SDK1: variants seen among roughly 807,000 people sequenced by gnomAD.
The protein encoded by SDK1 is sidekick cell adhesion molecule 1, also known as protein sidekick-1.
Under a neutral mutation model 245.5 loss-of-function variants are expected in SDK1, and 157 were observed. The observed-to-expected ratio is 0.64, with a 90% confidence interval of 0.56 to 0.73. The LOEUF is 0.73. Among genes scored for constraint, SDK1 ranks in the 30% least tolerant of loss-of-function variants. The pLI, the probability that SDK1 is intolerant of heterozygous loss-of-function variation, is 0.00. For missense variants in SDK1, 3,583 were observed against 3,002.3 expected, an observed-to-expected ratio of 1.19 and a Z score of -4.52; for synonymous variants, 1,647 against 1,278.5, an observed-to-expected ratio of 1.29 and a Z score of -6.15.
chr7:3,661,350 G>A (rs973747738), intron 4 of SDK1, among the ~76,000 whole-genome samples: 1 of 152,206 alleles, frequency 6.6e-6, no homozygotes, highest in Non-Finnish European at 1.5e-5. Context: ...GGAAATGCAT[G>A]CAAAACAGTA....
At chr7:3,542,233 C>T (rs1224360694) in intron 1 of SDK1, among the ~76,000 whole-genome samples, 1 of 152,118 alleles carries the variant, frequency 6.6e-6, no homozygotes, top group Non-Finnish European at 1.5e-5. Context: ...TTAGATGTGC[C>T]TTGAGTAAAA....
At chr7:3,931,901 T>G (rs1384330382) in intron 5 of SDK1, among the ~76,000 whole-genome samples, 2 of 152,194 alleles carry the variant, frequency 1.3e-5, no homozygotes, top group Non-Finnish European at 2.9e-5. Context: ...ATAATTACTT[T>G]TGGATTTTCT....
chr7:4,233,269 G>A lies in SDK1; in HGVS notation c.5842G>A (p.Asp1948Asn), dbSNP rs78491883. The change falls in exon 41 of 45, where the codon GAC becomes AAC. Residue 1948 changes from aspartate (D) to asparagine (N), a missense_variant. Coordinates refer to ENST00000404826, the MANE Select transcript of SDK1 (RefSeq NM_152744.4). The part of the protein sequence containing the change: ...EARPSDEGLW[D>N]MFVKDIPRSA... ...CCCTCTTGCAGATGAAGGCTTATGG[G>A]ACATGTTTGTGAAGGACATCCCGCG... The A allele has an allele frequency of 1.2e-6, 2 of 1,613,674 alleles. No individual in the cohort carries two copies. Among genetic ancestry groups the A allele is most frequent in the East Asian group, 4.5e-5 (2 of 44,874 alleles).
At chr7:3,331,329 A>C (rs59296189) in intron 1 of SDK1, among the ~76,000 whole-genome samples, 22,420 of 152,122 alleles carry the variant, frequency 0.15, 2,576 homozygotes, top group African/African-American at 0.32. Flanking sequence ...GAATATAGAC[A>C]AGTGCATGAT....
chr7:3,312,915 A>C (rs1763427159), intron 1 of SDK1, among the ~76,000 whole-genome samples: 1 of 152,200 alleles, frequency 6.6e-6, no homozygotes, highest in Admixed American at 6.5e-5. Flanking sequence ...AGGATAAATA[A>C]AAATAAATTC....
At position 3,561,666 on chromosome 7, in the gene SDK1, C is replaced by T. The variant is rs921688753; in HGVS notation, c.299-57414C>T. Among the ~76,000 whole-genome samples the T allele has an allele frequency of 4.6e-5, 7 of 152,266 alleles. No individual in the cohort carries two copies. The East Asian group carries it at 5.8e-4, about 13-fold the overall frequency. On this transcript the variant is annotated intron_variant, in intron 1 of 44. Coordinates refer to ENST00000404826, the MANE Select transcript of SDK1 (RefSeq NM_152744.4). ...ATTTTAATCTGATGACTTATTTTCT[C>T]CTTATATGGATTATACTTGGCCTTC...
chr7:3,518,487 GAAAA>G (rs5881988), intron 1 of SDK1, among the ~76,000 whole-genome samples: 3 of 145,936 alleles, frequency 2.1e-5, no homozygotes, highest in African/African-American at 5.0e-5. Flanking sequence ...CATCTGAACA[GAAAA>G]AAAAAAGAAA....
intron 5 of SDK1, among the ~76,000 whole-genome samples, chr7:3,829,941 G>A (rs945872114): frequency 2.0e-5 from 3 of 152,174 alleles, no homozygotes; most frequent in African/African-American, 7.2e-5. Context: ...GAGATGCACT[G>A]GAGTCAGTGC....
chr7:4,079,565 G>C lies in SDK1; in HGVS notation c.3305G>C (p.Arg1102Thr), dbSNP rs748015214. 15 of 1,614,226 alleles carry C rather than the reference G, an allele frequency of 9.3e-6. No individual in the cohort carries two copies. Among genetic ancestry groups the C allele is most frequent in the Admixed American group, 6.7e-5 (4 of 60,034 alleles). Residue 1102 changes from arginine to threonine, a missense_variant, in exon 22 of 45, where the codon AGG (arginine) becomes ACG (threonine). Coordinates refer to ENST00000404826, the MANE Select transcript of SDK1 (RefSeq NM_152744.4). Reference sequence around the variant, plus strand: ...TATGACGGGAAAACGTCCATCTCCAGGTGGATTGTTGAGGGGCAGGTACGT... The same window carrying C: ...TATGACGGGAAAACGTCCATCTCCACGTGGATTGTTGAGGGGCAGGTACGT... Reference protein sequence around the residue: ...PGYDGKTSISRWIVEGQVGAI... With the variant: ...PGYDGKTSISTWIVEGQVGAI...
At chr7:3,402,085 A>T (rs1178741100) in intron 1 of SDK1, among the ~76,000 whole-genome samples, 1 of 152,210 alleles carries the variant, frequency 6.6e-6, no homozygotes, top group Non-Finnish European at 1.5e-5. Context: ...TCTGAGGTTT[A>T]GCTTTTATGT....
At chr7:3,545,071 G>T (rs1380073738) in intron 1 of SDK1, among the ~76,000 whole-genome samples, 1 of 152,190 alleles carries the variant, frequency 6.6e-6, no homozygotes, top group African/African-American at 2.4e-5. Flanking sequence ...TGGGAGGAGA[G>T]CTGGTGCTAT....
At chr7:3,700,185 C>T (rs1327731915) in intron 4 of SDK1, among the ~76,000 whole-genome samples, 1 of 152,082 alleles carries the variant, frequency 6.6e-6, no homozygotes, top group Non-Finnish European at 1.5e-5. Flanking sequence ...ATAATACCTA[C>T]CCTTAAAGAA....
chr7:3,677,605 G>A (rs557983717), intron 4 of SDK1, among the ~76,000 whole-genome samples: 5 of 152,300 alleles, frequency 3.3e-5, no homozygotes, highest in Admixed American at 6.5e-5. Flanking sequence ...CTTGACACAT[G>A]GGGATTATTA....
At chr7:3,644,296 A>C (rs917030494) in intron 4 of SDK1, among the ~76,000 whole-genome samples, 5 of 151,158 alleles carry the variant, frequency 3.3e-5, no homozygotes, top group African/African-American at 1.2e-4. Flanking sequence ...ATTCTAGTAA[A>C]AATACCAGTT....
At chr7:3,780,240 C>T (rs190742149) in intron 4 of SDK1, among the ~76,000 whole-genome samples, 2 of 152,182 alleles carry the variant, frequency 1.3e-5, no homozygotes, top group Non-Finnish European at 2.9e-5. Context: ...TTTCCCTGGA[C>T]CAACAGTTTC....
At chr7:3,811,118 A>G (rs533313693) in intron 4 of SDK1, among the ~76,000 whole-genome samples, 3 of 152,296 alleles carry the variant, frequency 2.0e-5, no homozygotes, top group Admixed American at 1.3e-4. Context: ...CTTAGCGTAC[A>G]TGGAATTTGT....
chr7:3,414,284 A>G (rs767748014), intron 1 of SDK1, among the ~76,000 whole-genome samples: 2 of 152,046 alleles, frequency 1.3e-5, no homozygotes, highest in Non-Finnish European at 2.9e-5. Flanking sequence ...TTCTGAGACG[A>G]GTGGCCTGGA....
At chr7:3,565,998 G>A (rs139554413) in intron 1 of SDK1, among the ~76,000 whole-genome samples, 1 of 151,878 alleles carries the variant, frequency 6.6e-6, no homozygotes, top group African/African-American at 2.4e-5. Context: ...CATAAGATAC[G>A]ACTTACAGCA....
At chr7:3,495,784 T>C (rs1347931962) in intron 1 of SDK1, among the ~76,000 whole-genome samples, 1 of 152,236 alleles carries the variant, frequency 6.6e-6, no homozygotes, top group African/African-American at 2.4e-5. Flanking sequence ...GACCCAGTTC[T>C]ACCACAGCTC....
Sources: gnomAD v4.1 joint callset for allele counts (sites outside exome capture counted in the v4.1 genomes callset) on GRCh38, gnomAD v4.1.1 for gene constraint, MANE v1.5 for transcripts, NCBI Gene and HGNC (gene_info 2026-07-23, HGNC 2026-07-21) for gene names.